FUT8: variants seen among roughly 807,000 people sequenced by gnomAD.
FUT8 encodes the protein alpha-(1,6)-fucosyltransferase.
Under a neutral mutation model 71.3 loss-of-function variants are expected in FUT8, and 29 were observed. The ratio of observed to expected loss-of-function variants is 0.41; its 90% confidence interval spans 0.30 to 0.55. FUT8 has a LOEUF of 0.55. Among genes scored for constraint, FUT8 ranks in the 20% least tolerant of loss-of-function variants. FUT8 has a pLI of 0.34. For missense variants in FUT8, 544 were observed against 702.1 expected, an observed-to-expected ratio of 0.77 and a Z score of 2.55; for synonymous variants, 254 against 239.3, an observed-to-expected ratio of 1.06 and a Z score of -0.57.
intron 5 of FUT8, among the ~76,000 whole-genome samples, chr14:65,619,999 G>A (rs1408806667): frequency 2.0e-5 from 3 of 152,164 alleles, no homozygotes; most frequent in African/African-American, 7.2e-5. Flanking sequence ...ATATCATGGA[G>A]TCTGTCTTAT....
chr14:65,616,937 G>A (rs746305970), intron 5 of FUT8, among the ~76,000 whole-genome samples: 6 of 151,990 alleles, frequency 3.9e-5, no homozygotes, highest in South Asian at 2.1e-4. Flanking sequence ...CTATGCACAC[G>A]TTGCTAAATA....
chr14:65,732,970 T>C (rs1257061029), intron 9 of FUT8, among the ~76,000 whole-genome samples: 1 of 152,210 alleles, frequency 6.6e-6, no homozygotes, highest in Non-Finnish European at 1.5e-5. Flanking sequence ...AATTTTCAGC[T>C]ATTTCATGAA....
intron 3 of FUT8, among the ~76,000 whole-genome samples, chr14:65,594,471 A>ATCAGTGTGTTATCAGC (rs1483589908): frequency 6.6e-6 from 1 of 152,164 alleles, no homozygotes; most frequent in Non-Finnish European, 1.5e-5. Flanking sequence ...GTCTGCAGAC[A>ATCAGTGTGTTATCAGC]TCAGTGTGTT....
At chr14:65,526,961 G>C (rs1200790753) in intron 2 of FUT8, among the ~76,000 whole-genome samples, 36 of 152,138 alleles carry the variant, frequency 2.4e-4, no homozygotes, top group Non-Finnish European at 4.3e-4. Flanking sequence ...TCACTTTGTG[G>C]GTAACCCGAC....
intron 1 of FUT8, among the ~76,000 whole-genome samples, chr14:65,424,315 T>A (rs2065349421): frequency 6.6e-6 from 1 of 150,534 alleles, no homozygotes; most frequent in South Asian, 2.1e-4. Context: ...TAAATTTATG[T>A]AGTTATGATT....
At chr14:65,705,310 C>T (rs753022298) in intron 7 of FUT8, among the ~76,000 whole-genome samples, 1 of 152,098 alleles carries the variant, frequency 6.6e-6, no homozygotes, top group Non-Finnish European at 1.5e-5. Context: ...ATCTTTCCTC[C>T]CTATTTTAAG....
intron 2 of FUT8, among the ~76,000 whole-genome samples, chr14:65,549,026 C>G (rs894732328): frequency 2.0e-5 from 3 of 152,172 alleles, no homozygotes; most frequent in African/African-American, 7.2e-5. Context: ...TGCAACCACA[C>G]TTTGATACCA....
At chr14:65,432,692 C>T (rs1304830284) in intron 1 of FUT8, among the ~76,000 whole-genome samples, 4 of 152,104 alleles carry the variant, frequency 2.6e-5, no homozygotes, top group African/African-American at 9.7e-5. Flanking sequence ...CAAAACCCAC[C>T]AAAACCAAAA....
In FUT8 at chr14:65,420,408, A is replaced by G. The variant is rs116350606; in HGVS notation, c.-326+7194A>G. Reference sequence around the variant, plus strand: ...CTGGGATTACAGGTGTGAGCCACCAAACTTGGCCAGAACACATCCTCTATA... The same window carrying G: ...CTGGGATTACAGGTGTGAGCCACCAGACTTGGCCAGAACACATCCTCTATA... On this transcript the variant is annotated intron_variant, in intron 1 of 10. Transcript: ENST00000673929. Among the ~76,000 whole-genome samples the G allele has an allele frequency of 5.2e-3, 789 of 152,164 alleles. 8 individuals carry two copies. The highest frequency in any genetic ancestry group is 0.018 in the African/African-American group (731 of 41,518).
intron 1 of FUT8, among the ~76,000 whole-genome samples, chr14:65,446,194 C>T (rs1280950164): frequency 6.6e-6 from 1 of 152,160 alleles, no homozygotes; most frequent in Admixed American, 6.5e-5. Context: ...TACAAGTTAG[C>T]TATTGAACCC....
At chr14:65,471,461 A>G (rs2066145581) in intron 2 of FUT8, among the ~76,000 whole-genome samples, 1 of 151,962 alleles carries the variant, frequency 6.6e-6, no homozygotes, top group African/African-American at 2.4e-5. Context: ...GATCTTTACC[A>G]TGAGAACCTG....
At chr14:65,436,291 C>T (rs1212708881) in intron 1 of FUT8, among the ~76,000 whole-genome samples, 1 of 151,880 alleles carries the variant, frequency 6.6e-6, no homozygotes, top group Non-Finnish European at 1.5e-5. Context: ...ACAACAACAA[C>T]AAAAACTTTT....
Position 65,743,816 on chromosome 14 carries a change from G to A in FUT8, c.*1406G>A, listed in dbSNP as rs999817680. 1 of 151,790 alleles carries A rather than the reference G, an allele frequency of 6.6e-6. No individual in the cohort carries two copies. The highest frequency in any genetic ancestry group is 1.5e-5 in the Non-Finnish European group (1 of 67,856). The allele number at this position is 151,790 out of a possible 1,614,324, so 9.4% of individuals were successfully genotyped here. A position where few individuals can be genotyped will look rare whatever the true frequency, so the allele number is the denominator to read the frequency against. ...CTCCTCATAAAAACACTTCCTTATT[G>A]TATGTAGCCTGCCTCCTACAGAGGC... On this transcript the variant is annotated 3_prime_UTR_variant, in exon 11 of 11. Coordinates refer to ENST00000673929, the MANE Select transcript of FUT8 (RefSeq NM_001371533.1).
At chr14:65,570,724 G>C in intron 3 of FUT8, among the ~76,000 whole-genome samples, 1 of 152,102 alleles carries the variant, frequency 6.6e-6, no homozygotes, top group East Asian at 1.9e-4. Context: ...AAGAGTTTAA[G>C]TGGATTCAAA....
intron 1 of FUT8, among the ~76,000 whole-genome samples, chr14:65,444,116 C>G (rs1374753319): frequency 6.6e-6 from 1 of 152,176 alleles, no homozygotes; most frequent in Admixed American, 6.5e-5. Flanking sequence ...AAAAGCATTT[C>G]ATTAACAGAG....
At chr14:65,468,097 A>G (rs1370360806) in intron 2 of FUT8, 8 of 633,828 alleles carry the variant, frequency 1.3e-5, no homozygotes, top group Admixed American at 4.1e-5. Flanking sequence ...CATGCTGAGT[A>G]ACGTGTTTGT....
At chr14:65,612,416 A>G (rs1402168158) in intron 3 of FUT8, among the ~76,000 whole-genome samples, 1 of 152,148 alleles carries the variant, frequency 6.6e-6, no homozygotes, top group African/African-American at 2.4e-5. Flanking sequence ...AGGATCAGGA[A>G]CTGTTTCTAC....
intron 3 of FUT8, among the ~76,000 whole-genome samples, chr14:65,611,209 G>A (rs1356894516): frequency 0.061 from 369 of 6,064 alleles, 49 homozygotes; most frequent in African/African-American, 0.079. Context: ...GCGCGCGCGC[G>A]CGCGCGCGCG....
chr14:65,471,574 A>G (rs2066147705), intron 2 of FUT8, among the ~76,000 whole-genome samples: 4 of 151,948 alleles, frequency 2.6e-5, no homozygotes, highest in African/African-American at 4.8e-5. Context: ...TACTGTTTCA[A>G]GTGTTCCTAC....
Sources: gnomAD v4.1 joint callset for allele counts (sites outside exome capture counted in the v4.1 genomes callset) on GRCh38, gnomAD v4.1.1 for gene constraint, MANE v1.5 for transcripts, NCBI Gene and HGNC (gene_info 2026-07-23, HGNC 2026-07-21) for gene names.